Variants in EBF2 observed in about 807,000 individuals in gnomAD.
The protein encoded by EBF2 is transcription factor COE2.
A neutral mutation model predicts 72.8 loss-of-function variants in EBF2; 21 were observed. The observed-to-expected ratio is 0.29, with a 90% CI of 0.20 to 0.42. The LOEUF (loss-of-function observed/expected upper bound fraction) is 0.42, where lower values mean the gene tolerates loss of function less well. Ranked by LOEUF, EBF2 falls within the 10% of genes least tolerant of loss-of-function variation. EBF2 has a pLI of 1.00. For missense variants in EBF2, 637 were observed against 731.2 expected (o/e 0.87, Z 1.49); for synonymous variants, 299 against 274.2 (o/e 1.09, Z -0.89).
At chr8:26,038,623 G>T (rs1805545141) in intron 5 of EBF2, among the ~76,000 whole-genome samples, 1 of 152,104 alleles carries the variant, frequency 6.6e-6, no homozygotes, top group African/African-American at 2.4e-5. Context: ...TTTAAATCTA[G>T]GTATTATATG....
At chr8:26,041,172 C>T (rs148035580) in intron 2 of EBF2, 170 bp from the exon 3 acceptor site, 3 of 717,440 alleles carry the variant, frequency 4.2e-6, no homozygotes, top group Admixed American at 5.0e-5. Flanking sequence ...CTGTCCTTGG[C>T]CGCCCCCGGA....
chr8:25,930,063 C>T (rs532445526), intron 6 of EBF2, among the ~76,000 whole-genome samples: 75 of 152,220 alleles, frequency 4.9e-4, no homozygotes, highest in Admixed American at 7.2e-4. Flanking sequence ...AAACTAGAAC[C>T]GCTTTCAATT....
In EBF2 at chr8:25,941,845, C is replaced by T. The variant is rs949830604; in HGVS notation, c.552-33290G>A. On this transcript the variant is annotated intron_variant, in intron 6 of 15. Coordinates refer to ENST00000520164, the MANE Select transcript of EBF2 (RefSeq NM_022659.4). ...ATTATTTATGACACCCTGATAAACA[C>T]GTGGAAATGCAATGTGGATGTTCAA... Among the ~76,000 whole-genome samples, 10 of 152,152 alleles carry T rather than the reference C, an allele frequency of 6.6e-5. No homozygotes were observed. In the East Asian group the frequency reaches 9.6e-4, roughly 15 times the overall value.
chr8:25,889,937 C>T, intron 7 of EBF2, 68 bp from the exon 8 acceptor site: 8 of 1,357,560 alleles, frequency 5.9e-6, no homozygotes, highest in Non-Finnish European at 8.4e-6. Context: ...GTAGCAAATG[C>T]ACCAAAATTC....
intron 6 of EBF2, among the ~76,000 whole-genome samples, chr8:25,914,561 T>C (rs1016866393): frequency 6.6e-6 from 1 of 152,204 alleles, no homozygotes; most frequent in Non-Finnish European, 1.5e-5. Context: ...CCCAATGGGC[T>C]CTTGTTACAC....
chr8:25,928,868 G>A (rs1346761310), intron 6 of EBF2, among the ~76,000 whole-genome samples: 4 of 151,226 alleles, frequency 2.6e-5, no homozygotes, highest in South Asian at 2.1e-4. Flanking sequence ...GACCAGGCTT[G>A]GCCAAACTAC....
intron 7 of EBF2, among the ~76,000 whole-genome samples, chr8:25,906,396 C>A (rs1004130133): frequency 6.6e-6 from 1 of 152,168 alleles, no homozygotes; most frequent in Non-Finnish European, 1.5e-5. Flanking sequence ...GAATATTGAG[C>A]ACAGTGAATT....
chr8:25,921,456 T>C (rs1028545644), intron 6 of EBF2, among the ~76,000 whole-genome samples: 1 of 152,178 alleles, frequency 6.6e-6, no homozygotes, highest in African/African-American at 2.4e-5. Flanking sequence ...GAGCAGACAA[T>C]GATCACATCG....
intron 9 of EBF2, among the ~76,000 whole-genome samples, chr8:25,887,113 CTCTG>C (rs1401778040): frequency 1.1e-4 from 11 of 101,240 alleles, no homozygotes; most frequent in African/African-American, 2.6e-4. Context: ...GTGTGTATGT[CTCTG>C]TCTCTCTCTC....
In EBF2 at chr8:25,875,325, G is replaced by T. The variant is rs193259028; in HGVS notation, c.1009+11430C>A. On this transcript the variant is annotated intron_variant, in intron 10 of 15. Transcript: ENST00000520164. The stretch of plus-strand genomic sequence containing the variant: ...ATGTATGTAATTTTATCTTTCTAAT[G>T]GGGTAAGTATATCCTCATTTTTAGG... Among the ~76,000 whole-genome samples, 5 of 152,246 alleles carry T rather than the reference G, an allele frequency of 3.3e-5. 1 individual carries two copies. The highest frequency in any genetic ancestry group is 1.2e-4 in the African/African-American group (5 of 41,542).
At chr8:25,911,421 G>A (rs982123946) in intron 6 of EBF2, among the ~76,000 whole-genome samples, 8 of 152,140 alleles carry the variant, frequency 5.3e-5, no homozygotes, top group African/African-American at 1.7e-4. Context: ...GGATGAAGAG[G>A]ATCGGAAAGA....
chr8:26,042,337 G>C, intron 1 of EBF2, 86 bp from the exon 2 acceptor site: 1 of 1,472,782 alleles, frequency 6.8e-7, no homozygotes, highest in South Asian at 1.3e-5. Context: ...ACTGCAGAGG[G>C]GTAAGGGGTC....
At chr8:25,946,239 G>A (rs59525431) in intron 6 of EBF2, among the ~76,000 whole-genome samples, 6,045 of 152,318 alleles carry the variant, frequency 0.04, 166 homozygotes, top group Middle Eastern at 0.1. Context: ...TTTGGGAGTG[G>A]GGCATGGGAC....
intron 6 of EBF2, among the ~76,000 whole-genome samples, chr8:26,005,550 A>AT (rs1482189648): frequency 7.6e-5 from 2 of 26,276 alleles, no homozygotes; most frequent in African/African-American, 2.3e-4. Flanking sequence ...TTTTATATAT[A>AT]TATATATATA....
intron 7 of EBF2, among the ~76,000 whole-genome samples, chr8:25,894,842 T>C (rs1161541429): frequency 6.6e-6 from 1 of 152,146 alleles, no homozygotes; most frequent in Non-Finnish European, 1.5e-5. Flanking sequence ...AAGAAGCAAA[T>C]GTAGTATGGA....
chr8:25,944,617 A>G (rs544440803), intron 6 of EBF2, among the ~76,000 whole-genome samples: 4 of 148,284 alleles, frequency 2.7e-5, no homozygotes, highest in African/African-American at 9.8e-5. Flanking sequence ...TATTGCATAT[A>G]ATCTACAATA....
At chr8:25,920,768 G>A (rs568418083) in intron 6 of EBF2, among the ~76,000 whole-genome samples, 3 of 152,072 alleles carry the variant, frequency 2.0e-5, no homozygotes, top group Admixed American at 6.5e-5. Context: ...TATTTTGGCA[G>A]GAGGATTTTC....
intron 6 of EBF2, among the ~76,000 whole-genome samples, chr8:25,985,599 A>G (rs73675763): frequency 0.017 from 2,521 of 152,266 alleles, 78 homozygotes; most frequent in African/African-American, 0.058. Flanking sequence ...CAGATATATA[A>G]CAAAGGTCAT....
rs866947813 is a variant in EBF2, at chr8:26,044,692, G to T, written c.131+37C>A. The T allele has an allele frequency of 3.7e-6, 6 of 1,607,900 alleles. No homozygotes were observed. The highest frequency in any genetic ancestry group is 1.3e-5 in the African/African-American group (1 of 74,920). ...ACACGGAGAGACAGACCGTAAGAGC[G>T]AGAGACAGCATAATAATTGCGCGGC... On this transcript the variant is annotated intron_variant, in intron 1 of 15. Coordinates refer to ENST00000520164, the MANE Select transcript of EBF2 (RefSeq NM_022659.4). This position sits in a 1 kb window ranked among gnomAD's most constrained non-coding sequence, Gnocchi z 4.1.
Sources: allele counts gnomAD v4.1 joint callset (sites outside exome capture counted in the v4.1 genomes callset), GRCh38; gene constraint gnomAD v4.1.1; non-coding constraint Gnocchi (gnomAD v3.1); transcripts MANE v1.5; gene names NCBI Gene and HGNC (gene_info 2026-07-23, HGNC 2026-07-21).